FRYL: variants seen among roughly 807,000 people sequenced by gnomAD.
The protein encoded by FRYL is FRY like transcription coactivator.
Under a neutral mutation model 351.2 loss-of-function variants are expected in FRYL, and 150 were observed. That is an observed-to-expected ratio of 0.43 (90% CI 0.37 to 0.49). The LOEUF is 0.49. Ranked by LOEUF, FRYL falls within the 20% of genes least tolerant of loss-of-function variation. FRYL has a pLI of 0.00. For missense variants in FRYL, 3,036 were observed against 3,619.3 expected (o/e 0.84, Z 4.13); for synonymous variants, 1,153 against 1,257.1 (o/e 0.92, Z 1.75).
At chr4:48,745,225 C>T (rs1042265039) in intron 1 of FRYL, among the ~76,000 whole-genome samples, 1 of 152,152 alleles carries the variant, frequency 6.6e-6, no homozygotes, top group African/African-American at 2.4e-5. Flanking sequence ...ACTAGAAATA[C>T]CATTTGACCC....
At chr4:48,609,682 T>C in intron 8 of FRYL, 62 bp downstream of exon 8, 1 of 756,738 alleles carries the variant, frequency 1.3e-6, no homozygotes, top group East Asian at 2.7e-5. Flanking sequence ...CAGTAAGACT[T>C]AAAATAGTCT....
chr4:48,624,403 TA>T (rs2149334430), intron 4 of FRYL, among the ~76,000 whole-genome samples: 1 of 152,294 alleles, frequency 6.6e-6, no homozygotes, highest in African/African-American at 2.4e-5. Flanking sequence ...GCATAATAGA[TA>T]CTAAAGTCTC....
rs59845967 is a variant in FRYL, at chr4:48,651,289, CTGTGTGTGTGTGTGTGTGTGTG to C, written c.-80-16821_-80-16800del. On this transcript the variant is annotated intron_variant, in intron 3 of 63. Transcript: ENST00000358350. ...GTAGAAACAGGATCTCAGGATCTCACTGTGTGTGTGTGTGTGTGTGTGTGTGTGTGTGTGTGTGTGTGTGTGT... is the reference window on the plus strand; with the variant it reads ...GTAGAAACAGGATCTCAGGATCTCACTGTGTGTGTGTGTGTGTGTGTGTGT... Among the ~76,000 whole-genome samples, 34 of 62,408 alleles carry C rather than the reference CTGTGTGTGTGTGTGTGTGTGTG, an allele frequency of 5.4e-4. 1 individual carries two copies. Among genetic ancestry groups the C allele is most frequent in the East Asian group, 9.7e-4 (2 of 2,064 alleles). The allele number at this position is 62,408 out of a possible 152,430, so 40.9% of individuals were successfully genotyped here. A position where few individuals can be genotyped will look rare whatever the true frequency, so the allele number is the denominator to read the frequency against.
intron 9 of FRYL, among the ~76,000 whole-genome samples, chr4:48,608,713 A>G (rs1450706746): frequency 6.6e-6 from 1 of 152,212 alleles, no homozygotes; most frequent in Non-Finnish European, 1.5e-5. Flanking sequence ...AAAAATAGGG[A>G]AAAAGATAGT....
intron 1 of FRYL, among the ~76,000 whole-genome samples, chr4:48,767,913 C>T (rs183029139): frequency 1.9e-3 from 289 of 152,328 alleles, no homozygotes; most frequent in African/African-American, 6.3e-3. Flanking sequence ...GATTCCAGCA[C>T]AGCCCCAGCG....
At position 48,567,158 on chromosome 4, in the gene FRYL, T is replaced by C; in HGVS notation, c.3169+90A>G. 9.4e-7 allele frequency: 1 copy of C among 1,062,666 alleles called. No individual in the cohort carries two copies. The highest frequency in any genetic ancestry group is 1.3e-6 in the Non-Finnish European group (1 of 741,706). 65.8% of individuals were successfully genotyped at this position (1,062,666 alleles called of 1,614,324 possible). On this transcript the variant is annotated intron_variant, in intron 28 of 63. Coordinates refer to ENST00000358350, the MANE Select transcript of FRYL (RefSeq NM_015030.2). The surrounding 1 kb of genome is among the most constrained non-coding windows in gnomAD (Gnocchi z 4.2). Reference sequence around the variant, plus strand: ...TTTTCCAGTATGTTCATACGTTACTTTATCAACTTAGATTATTAAACCTCA... The same window carrying C: ...TTTTCCAGTATGTTCATACGTTACTCTATCAACTTAGATTATTAAACCTCA...
intron 37 of FRYL, 54 bp downstream of exon 37, chr4:48,551,440 G>T: frequency 3.3e-6 from 3 of 916,028 alleles, no homozygotes; most frequent in South Asian, 4.0e-5. Context: ...TTATTCTGAT[G>T]ACAACCAGTA....
chr4:48,576,986 T>C (rs1456820629), intron 23 of FRYL, among the ~76,000 whole-genome samples: 3 of 152,186 alleles, frequency 2.0e-5, no homozygotes, highest in Non-Finnish European at 4.4e-5. Context: ...CCTCTCTATG[T>C]AAATTAATAT....
intron 1 of FRYL, among the ~76,000 whole-genome samples, chr4:48,755,385 A>G (rs886551876): frequency 2.0e-5 from 3 of 152,206 alleles, no homozygotes; most frequent in African/African-American, 7.2e-5. Flanking sequence ...AAAAATAGAC[A>G]GTGAATTTCC....
chr4:48,712,781 A>G (rs986660507), intron 1 of FRYL, among the ~76,000 whole-genome samples: 1 of 152,206 alleles, frequency 6.6e-6, no homozygotes, highest in African/African-American at 2.4e-5. Flanking sequence ...TAATTGTCAG[A>G]TTCACCAAAG....
At position 48,593,938 on chromosome 4, in the gene FRYL, T is replaced by C; in HGVS notation, c.1327A>G (p.Asn443Asp). Residue 443 changes from asparagine (N) to aspartate (D), a missense_variant, in exon 16 of 64, where the codon AAT (asparagine) becomes GAT (aspartate). By Grantham distance (23) the Asn-to-Asp change is conservative. Coordinates refer to ENST00000358350, the MANE Select transcript of FRYL (RefSeq NM_015030.2). The part of the protein sequence containing the change: ...VGKSTKTFTI[N>D]PERMNIGLRV... Reference sequence around the variant, plus strand: ...CATTATAATTTTTTTACCTCTGGATTAATGGTGAAAGTTTTAGTAGATTTT... The same window carrying C: ...CATTATAATTTTTTTACCTCTGGATCAATGGTGAAAGTTTTAGTAGATTTT... 7.2e-7 allele frequency: 1 copy of C among 1,387,778 alleles called. No individual in the cohort carries two copies. Among genetic ancestry groups the C allele is most frequent in the Non-Finnish European group, 9.6e-7 (1 of 1,041,356 alleles). 86.0% of individuals were successfully genotyped at this position (1,387,778 alleles called of 1,614,324 possible). A position where few individuals can be genotyped will look rare whatever the true frequency, so the allele number is the denominator to read the frequency against.
chr4:48,775,446 G>A (rs958321096), intron 1 of FRYL, among the ~76,000 whole-genome samples: 8 of 151,906 alleles, frequency 5.3e-5, no homozygotes, highest in African/African-American at 1.9e-4. Context: ...TTTTTCAGCT[G>A]ATTAGGCCGC....
chr4:48,687,652 T>G (rs1363445598), intron 2 of FRYL, among the ~76,000 whole-genome samples: 1 of 152,190 alleles, frequency 6.6e-6, no homozygotes, highest in African/African-American at 2.4e-5. Flanking sequence ...AAATTTATCT[T>G]AATTTTAGGA....
rs1732313244 is a variant in FRYL at position 48,549,975 on chromosome 4, C to T, written c.4634-352G>A. On this transcript the variant is annotated intron_variant, in intron 38 of 63. Transcript: ENST00000358350. This position sits in a 1 kb window ranked among gnomAD's most constrained non-coding sequence, Gnocchi z 4.2. ...TGGTAAGTTATTCAGTTCTAAATATCCTGAGATAGGGCCAACACAGCTCCA... is the reference window on the plus strand; with the variant it reads ...TGGTAAGTTATTCAGTTCTAAATATTCTGAGATAGGGCCAACACAGCTCCA... 6.6e-6 allele frequency among the ~76,000 whole-genome samples: 1 copy of T among 152,184 alleles called. No individual in the cohort carries two copies. The highest frequency in any genetic ancestry group is 2.4e-5 in the African/African-American group (1 of 41,440).
chr4:48,632,091 A>AATAT (rs1560753223), intron 4 of FRYL, among the ~76,000 whole-genome samples: 76 of 23,372 alleles, frequency 3.3e-3, no homozygotes, highest in African/African-American at 6.7e-3. Flanking sequence ...AAAAAAAAAA[A>AATAT]ATATATATAT....
rs746115021 is a variant in FRYL at position 48,582,690 on chromosome 4, T to C, written c.1793A>G (p.Asn598Ser). The change falls in exon 20 of 64, where the codon AAT becomes AGT. Residue 598 changes from asparagine (N) to serine (S), a missense_variant. Transcript: ENST00000358350. ...ATCAAGCATTAGTGCCTGCAGAGTA[T>C]TGAAAGCCAGAGCACGCAGTTCTTC... The part of the protein sequence containing the change: ...MDEELRALAF[N>S]TLQALMLDFP... The C allele has an allele frequency of 1.1e-5, 18 of 1,614,048 alleles. No homozygotes were observed. Among genetic ancestry groups the C allele is most frequent in the Admixed American group, 5.0e-5 (3 of 60,012 alleles).
intron 40 of FRYL, 89 bp downstream of exon 40, chr4:48,548,601 G>A: frequency 1.4e-6 from 1 of 733,398 alleles, no homozygotes; most frequent in South Asian, 1.8e-5. Flanking sequence ...ACAGGAAACA[G>A]AAACACATAA....
chr4:48,592,274 A>T (rs1169428390), intron 16 of FRYL, among the ~76,000 whole-genome samples: 3 of 151,900 alleles, frequency 2.0e-5, no homozygotes, highest in African/African-American at 7.3e-5. Flanking sequence ...AGCTTCACTT[A>T]TACATTCTTT....
chr4:48,606,337 T>C, intron 10 of FRYL, 101 bp downstream of exon 10: 1 of 692,100 alleles, frequency 1.4e-6, no homozygotes, highest in Non-Finnish European at 2.3e-6. Flanking sequence ...AGACTAAAAA[T>C]GATGCCATTA....
Sources: allele counts gnomAD v4.1 joint callset (sites outside exome capture counted in the v4.1 genomes callset), GRCh38; gene constraint gnomAD v4.1.1; non-coding constraint Gnocchi (gnomAD v3.1); transcripts MANE v1.5; gene names NCBI Gene and HGNC (gene_info 2026-07-23, HGNC 2026-07-21).